Variants in AMPH observed in about 807,000 individuals in gnomAD.
AMPH encodes amphiphysin.
AMPH carries 49 observed loss-of-function variants against 99.1 expected under a neutral mutation model. The observed-to-expected ratio is 0.49, with a 90% CI of 0.39 to 0.63. AMPH has a LOEUF of 0.63. Among genes scored for constraint, AMPH ranks in the 20% least tolerant of loss-of-function variants. The probability of loss-of-function intolerance (pLI) is 0.00; values close to 1 mark genes in which losing one functional copy is unlikely to be tolerated. For missense variants in AMPH, 759 were observed against 863.4 expected (o/e 0.88, Z 1.52); for synonymous variants, 314 against 317.3 (o/e 0.99, Z 0.11).
chr7:38,477,667 A>G lies in AMPH; in HGVS notation c.397-698T>C, dbSNP rs73692395. ...AGGGGATAGGCGTAAAGCCCTGCTC[A>G]TTTCTATGGAACATTTCCTCTTAAC... On this transcript the variant is annotated intron_variant, in intron 5 of 20. Transcript: ENST00000356264. Among the ~76,000 whole-genome samples the G allele has an allele frequency of 1.9e-3, 296 of 152,240 alleles. 1 individual carries two copies. The highest frequency in any genetic ancestry group is 6.8e-3 in the African/African-American group (284 of 41,540).
At chr7:38,444,446 G>T (rs1164639584) in intron 11 of AMPH, among the ~76,000 whole-genome samples, 1 of 152,108 alleles carries the variant, frequency 6.6e-6, no homozygotes, top group Non-Finnish European at 1.5e-5. Flanking sequence ...GGAAAATTTG[G>T]ATATGTAGAC....
chr7:38,543,601 A>ACT (rs1790890193), intron 1 of AMPH, among the ~76,000 whole-genome samples: 1 of 152,196 alleles, frequency 6.6e-6, no homozygotes, highest in African/African-American at 2.4e-5. Flanking sequence ...TAATCTTGTG[A>ACT]GTTAGGTTAC....
At chr7:38,457,113 A>C (rs1288206124) in intron 11 of AMPH, among the ~76,000 whole-genome samples, 1 of 152,212 alleles carries the variant, frequency 6.6e-6, no homozygotes. Flanking sequence ...CCCCTACAAA[A>C]ACCAATTTCA....
chr7:38,491,276 G>A (rs943935100), intron 4 of AMPH, 131 bp from the exon 5 acceptor site: 12 of 628,938 alleles, frequency 1.9e-5, no homozygotes, highest in Non-Finnish European at 2.4e-5. Flanking sequence ...GGGGAAAAAT[G>A]AGAATCATTT....
chr7:38,598,523 C>A (rs1254380078), intron 1 of AMPH, among the ~76,000 whole-genome samples: 1 of 152,126 alleles, frequency 6.6e-6, no homozygotes, highest in Non-Finnish European at 1.5e-5. Flanking sequence ...AGGCTGGTCT[C>A]GAACTCCTGA....
intron 3 of AMPH, among the ~76,000 whole-genome samples, chr7:38,496,017 G>A (rs537393910): frequency 7.2e-5 from 11 of 152,288 alleles, no homozygotes; most frequent in East Asian, 1.9e-4. Context: ...CCCGACAGCC[G>A]GAAGGTGGGA....
At chr7:38,596,892 T>C (rs995158900) in intron 1 of AMPH, among the ~76,000 whole-genome samples, 1 of 152,158 alleles carries the variant, frequency 6.6e-6, no homozygotes, top group Non-Finnish European at 1.5e-5. Flanking sequence ...TACTCCAGTG[T>C]CCAAATGACC....
intron 11 of AMPH, among the ~76,000 whole-genome samples, chr7:38,455,078 ATTC>A (rs1169225734): frequency 6.8e-6 from 1 of 147,794 alleles, no homozygotes; most frequent in Non-Finnish European, 1.5e-5. Context: ...GATTATTAAA[ATTC>A]TTTTTTTTTT....
intron 14 of AMPH, chr7:38,429,515 C>G: frequency 7.3e-7 from 1 of 1,373,142 alleles, no homozygotes; most frequent in South Asian, 1.2e-5. Context: ...CTTCGGCCAA[C>G]CCACTGTCTG....
At chr7:38,460,964 T>C (rs1400778179) in intron 11 of AMPH, among the ~76,000 whole-genome samples, 2 of 152,186 alleles carry the variant, frequency 1.3e-5, no homozygotes, top group Admixed American at 1.3e-4. Context: ...AATACATGTG[T>C]CCCATAAATA....
At chr7:38,526,249 A>C (rs1389346866) in intron 2 of AMPH, among the ~76,000 whole-genome samples, 1 of 151,562 alleles carries the variant, frequency 6.6e-6, no homozygotes, top group Non-Finnish European at 1.5e-5. Flanking sequence ...ACTGCAATAA[A>C]ATATATATTC....
chr7:38,503,498 G>T (rs574280632), intron 3 of AMPH, 152 bp downstream of exon 3: 16 of 562,932 alleles, frequency 2.8e-5, no homozygotes, highest in Non-Finnish European at 4.3e-5. Context: ...TTTGGGGCGG[G>T]GGGGTGGGTG....
At chr7:38,498,819 T>C (rs1789025481) in intron 3 of AMPH, among the ~76,000 whole-genome samples, 1 of 152,232 alleles carries the variant, frequency 6.6e-6, no homozygotes, top group South Asian at 2.1e-4. Flanking sequence ...CCCCATATGA[T>C]ATGATACATG....
intron 1 of AMPH, among the ~76,000 whole-genome samples, chr7:38,568,465 C>CA (rs1246487830): frequency 1.2e-4 from 18 of 149,948 alleles, no homozygotes; most frequent in Admixed American, 9.3e-4. Flanking sequence ...ACTCCGTCTC[C>CA]AAAAAAAAAG....
intron 7 of AMPH, among the ~76,000 whole-genome samples, chr7:38,475,042 G>A (rs1788030693): frequency 6.6e-6 from 1 of 152,116 alleles, no homozygotes; most frequent in South Asian, 2.1e-4. Flanking sequence ...CTAAAATTGT[G>A]TCATCCTATA....
chr7:38,473,486 T>C lies in AMPH; in HGVS notation c.590+1845A>G, dbSNP rs867314107. Among the ~76,000 whole-genome samples the C allele has an allele frequency of 1.4e-4, 17 of 124,280 alleles. 3 individuals carry two copies. Among genetic ancestry groups the C allele is most frequent in the South Asian group, 6.0e-4 (2 of 3,348 alleles). 81.5% of individuals were successfully genotyped at this position (124,280 alleles called of 152,430 possible). On this transcript the variant is annotated intron_variant, in intron 7 of 20. Coordinates refer to ENST00000356264, the MANE Select transcript of AMPH (RefSeq NM_001635.4). Reference sequence around the variant, plus strand: ...TTGGGAGGCCGAGGCGGGTGGATCATGAGGTCAGGAGATCGAGACCATCCT... The same window carrying C: ...TTGGGAGGCCGAGGCGGGTGGATCACGAGGTCAGGAGATCGAGACCATCCT...
Position 38,417,844 on chromosome 7 carries a change from T to C in AMPH, c.1379A>G (p.Glu460Gly), listed in dbSNP as rs1785439083. ...GCTCACCACTGCCTCCTCCACTGGC[T>C]CCTCAGCCCGAGTGTCCATTCCAAG... ...LDLGMDTRAE[E>G]PVEEAVIIPG... The change falls in exon 17 of 21, where the codon GAG becomes GGG. Residue 460 changes from glutamate to glycine, a missense_variant. By Grantham distance (98) the Glu-to-Gly change is moderately conservative (BLOSUM62 -2). Around this residue, in one of 2 missense-constraint regions of AMPH, gnomAD observed 554 missense variants for 575.6 expected, o/e 0.96. Transcript: ENST00000356264. 3.1e-6 allele frequency: 5 copies of C among 1,614,052 alleles called. No individual in the cohort carries two copies. Among genetic ancestry groups the C allele is most frequent in the Non-Finnish European group, 4.2e-6 (5 of 1,179,938 alleles).
At chr7:38,609,781 A>G (rs1793563122) in intron 1 of AMPH, among the ~76,000 whole-genome samples, 1 of 152,240 alleles carries the variant, frequency 6.6e-6, no homozygotes, top group South Asian at 2.1e-4. Flanking sequence ...TATATATTAC[A>G]TTCACAATTG....
At chr7:38,425,439 G>A (rs1785749275) in intron 15 of AMPH, among the ~76,000 whole-genome samples, 1 of 152,154 alleles carries the variant, frequency 6.6e-6, no homozygotes, top group African/African-American at 2.4e-5. Context: ...AGAAAACTAA[G>A]CATATCAATC....
Sources: allele counts gnomAD v4.1 joint callset (sites outside exome capture counted in the v4.1 genomes callset), GRCh38; gene constraint gnomAD v4.1.1; regional missense constraint gnomAD v4.1.1; transcripts MANE v1.5; gene names NCBI Gene and HGNC (gene_info 2026-07-23, HGNC 2026-07-21).